REEP1: variants seen among roughly 807,000 people sequenced by gnomAD.
REEP1 encodes the protein receptor accessory protein 1.
In REEP1, 22 loss-of-function variants were observed where a neutral mutation model predicts 40.3. The observed-to-expected ratio is 0.55, with a 90% CI of 0.39 to 0.78. The LOEUF (loss-of-function observed/expected upper bound fraction) is 0.78. REEP1 is among the 30% of genes least tolerant of loss of function. The pLI is 0.00. For synonymous variants in REEP1, 116 were observed against 139.2 expected (o/e 0.83, Z 1.17); for missense variants, 280 against 361.1 (o/e 0.78, Z 1.82).
chr2:86,217,986 A>AACCTACCCTTGGCCCCC (rs1674217598), intron 8 of REEP1, among the ~76,000 whole-genome samples: 1 of 152,074 alleles, frequency 6.6e-6, no homozygotes, highest in Non-Finnish European at 1.5e-5. Context: ...AACTGGCCCC[A>AACCTACCCTTGGCCCCC]ACCTACCCTT....
chr2:86,298,740 A>G (rs1679116161), intron 1 of REEP1, among the ~76,000 whole-genome samples: 1 of 152,248 alleles, frequency 6.6e-6, no homozygotes, highest in Non-Finnish European at 1.5e-5. Flanking sequence ...GGGCCAGCAG[A>G]ATAGTCATGG....
intron 2 of REEP1, among the ~76,000 whole-genome samples, chr2:86,279,133 G>A (rs1677920546): frequency 6.6e-6 from 1 of 152,134 alleles, no homozygotes; most frequent in Non-Finnish European, 1.5e-5. Context: ...ACTCCTTCAT[G>A]ATAACCGTTT....
At chr2:86,241,478 G>A (rs1675663417) in intron 5 of REEP1, among the ~76,000 whole-genome samples, 1 of 152,202 alleles carries the variant, frequency 6.6e-6, no homozygotes, top group Non-Finnish European at 1.5e-5. Context: ...ATCATCAGAA[G>A]AGCAGTACCC....
intron 1 of REEP1, among the ~76,000 whole-genome samples, chr2:86,282,662 C>T (rs1302410989): frequency 1.3e-5 from 2 of 152,182 alleles, no homozygotes; most frequent in African/African-American, 4.8e-5. Flanking sequence ...TCCCCTTGGA[C>T]TTGATCTCAG....
At chr2:86,219,387 GA>G (rs1430211316) in intron 8 of REEP1, among the ~76,000 whole-genome samples, 3 of 150,956 alleles carry the variant, frequency 2.0e-5, no homozygotes, top group Admixed American at 2.0e-4. Flanking sequence ...TTAATACCTG[GA>G]AAAACCAAAA....
intron 1 of REEP1, among the ~76,000 whole-genome samples, chr2:86,316,406 G>T (rs1196159448): frequency 1.3e-5 from 2 of 151,674 alleles, no homozygotes; most frequent in African/African-American, 4.8e-5. Flanking sequence ...AAATTAGCCG[G>T]GTGTGGTGGT....
chr2:86,313,617 A>T (rs1301570613), intron 1 of REEP1, among the ~76,000 whole-genome samples: 1 of 152,226 alleles, frequency 6.6e-6, no homozygotes, highest in Non-Finnish European at 1.5e-5. Context: ...GACATATTGA[A>T]ACCAGTTTGA....
At chr2:86,239,098 T>C (rs1287144113) in intron 5 of REEP1, among the ~76,000 whole-genome samples, 5 of 147,752 alleles carry the variant, frequency 3.4e-5, no homozygotes, top group Middle Eastern at 6.7e-3. Flanking sequence ...CTTTAAAAAA[T>C]CAGTACAATT....
intron 7 of REEP1, among the ~76,000 whole-genome samples, chr2:86,226,111 C>CCACCACCACCACCACCAT (rs1553457298): frequency 1.4e-5 from 2 of 141,036 alleles, no homozygotes; most frequent in African/African-American, 5.2e-5. Flanking sequence ...ACCACCACCA[C>CCACCACCACCACCACCAT]CACCATCATC....
At chr2:86,263,349 C>A (rs1018467582) in intron 3 of REEP1, among the ~76,000 whole-genome samples, 11 of 152,188 alleles carry the variant, frequency 7.2e-5, no homozygotes, top group Non-Finnish European at 1.0e-4. Context: ...CCTGCCTCAG[C>A]CTCCCAAGTA....
chr2:86,329,088 G>C (rs1448219892), intron 1 of REEP1, among the ~76,000 whole-genome samples: 1 of 152,172 alleles, frequency 6.6e-6, no homozygotes, highest in Admixed American at 6.5e-5. Context: ...GAGATGGGGA[G>C]CTGGAAAGGG....
Position 86,254,787 on chromosome 2 carries a change from T to C in REEP1, c.210A>G (p.Ile70Met). The C allele has an allele frequency of 6.2e-7, 1 of 1,614,118 alleles. No homozygotes were observed. The highest frequency in any genetic ancestry group is 8.5e-7 in the Non-Finnish European group (1 of 1,179,952). Residue 70 changes from isoleucine (I) to methionine (M), a missense_variant, in exon 4 of 9, where the codon ATA becomes ATG. Around this residue, in one of 3 missense-constraint regions of REEP1, gnomAD observed 68 missense variants for 83.7 expected, o/e 0.81. Transcript: ENST00000538924. ...CWFPFYYELK[I>M]AFVAWLLSPY... ...GAGACAGCAGCCAGGCTACAAATGC[T>C]ATTTTTAGTTCATAATAGAATGGAA...
chr2:86,227,164 C>T (rs1674752554), intron 7 of REEP1, among the ~76,000 whole-genome samples, 199 bp downstream of exon 7: 1 of 152,186 alleles, frequency 6.6e-6, no homozygotes, highest in Non-Finnish European at 1.5e-5. Context: ...CTAGAACCAC[C>T]CAGTTAAGCT....
chr2:86,235,982 C>T (rs1368721328), intron 5 of REEP1, among the ~76,000 whole-genome samples: 13 of 151,896 alleles, frequency 8.6e-5, no homozygotes, highest in African/African-American at 2.7e-4. Context: ...TTTGGGAGGC[C>T]GAGGCAGGTG....
At chr2:86,312,431 A>C (rs1327922795) in intron 1 of REEP1, among the ~76,000 whole-genome samples, 1 of 152,186 alleles carries the variant, frequency 6.6e-6, no homozygotes, top group Admixed American at 6.5e-5. Context: ...ATTGCCCTGC[A>C]CTATAAATGA....
chr2:86,309,468 C>T (rs1361432516), intron 1 of REEP1, among the ~76,000 whole-genome samples: 1 of 152,246 alleles, frequency 6.6e-6, no homozygotes, highest in Non-Finnish European at 1.5e-5. Flanking sequence ...GGCCTTCACA[C>T]CTCTTGACTC....
rs1392804233 is a variant in REEP1, at chr2:86,254,830, A to T, written c.183-16T>A. 6.2e-7 allele frequency: 1 copy of T among 1,613,682 alleles called. No individual in the cohort carries two copies. Among genetic ancestry groups the T allele is most frequent in the Admixed American group, 1.7e-5 (1 of 60,028 alleles). On this transcript the variant is annotated splice_polypyrimidine_tract_variant and intron_variant, in intron 3 of 8. Coordinates refer to ENST00000538924, the MANE Select transcript of REEP1 (RefSeq NM_001371279.1). ...GAATGGAAACCTGGAGAGAGAGATGAAAACACAAGTTCTGTTAGGTTCTCA... is the reference window on the plus strand; with the variant it reads ...GAATGGAAACCTGGAGAGAGAGATGTAAACACAAGTTCTGTTAGGTTCTCA...
chr2:86,264,959 T>C (rs1472987013), intron 2 of REEP1, among the ~76,000 whole-genome samples: 1 of 152,008 alleles, frequency 6.6e-6, no homozygotes, highest in East Asian at 1.9e-4. Context: ...GTCTTATTTG[T>C]CCAAAGAAAA....
intron 5 of REEP1, among the ~76,000 whole-genome samples, chr2:86,233,196 C>A (rs968658278): frequency 1.7e-4 from 26 of 152,206 alleles, no homozygotes; most frequent in African/African-American, 6.3e-4. Context: ...ACATGTATCT[C>A]CATTTTTCTC....
Sources: gnomAD v4.1 joint callset for allele counts (sites outside exome capture counted in the v4.1 genomes callset) on GRCh38, gnomAD v4.1.1 for gene constraint, gnomAD v4.1.1 regional missense constraint, MANE v1.5 for transcripts, NCBI Gene and HGNC (gene_info 2026-07-23, HGNC 2026-07-21) for gene names.